Variants in MIDEAS observed in about 807,000 individuals in gnomAD.
MIDEAS encodes the protein mitotic deacetylase associated SANT domain protein.
In MIDEAS, 26 loss-of-function variants were observed where a neutral mutation model predicts 102.7. That is an observed-to-expected ratio of 0.25 (90% CI 0.19 to 0.35). The LOEUF is 0.35. Ranked by LOEUF, MIDEAS falls within the 10% of genes least tolerant of loss-of-function variation. The probability of loss-of-function intolerance (pLI) is 1.00; values close to 1 mark genes in which losing one functional copy is unlikely to be tolerated. For missense variants in MIDEAS, 1,231 were observed against 1,435.6 expected (o/e 0.86, Z 2.30); for synonymous variants, 585 against 591.0 (o/e 0.99, Z 0.15).
In MIDEAS at chr14:73,715,999, A is replaced by G. The variant is rs2140084940; in HGVS notation, c.*2844T>C. Reference sequence around the variant, plus strand: ...GGCACTAGGTCAGTTTCCCGCCCTTAGCTGAATGCAGATGGATGCTGGGAG... The same window carrying G: ...GGCACTAGGTCAGTTTCCCGCCCTTGGCTGAATGCAGATGGATGCTGGGAG... On this transcript the variant is annotated 3_prime_UTR_variant, in exon 13 of 13. Transcript: ENST00000423556. 6.6e-6 allele frequency: 1 copy of G among 152,540 alleles called. No homozygotes were observed. The highest frequency in any genetic ancestry group is 1.9e-4 in the East Asian group (1 of 5,184). 9.4% of individuals were successfully genotyped at this position (152,540 alleles called of 1,614,324 possible). A position where few individuals can be genotyped will look rare whatever the true frequency, so the allele number is the denominator to read the frequency against.
intron 1 of MIDEAS, among the ~76,000 whole-genome samples, chr14:73,768,571 A>C (rs1595295031): frequency 7.2e-6 from 1 of 138,788 alleles, no homozygotes; most frequent in African/African-American, 2.8e-5. Context: ...TACAACTTCC[A>C]CCTCCCAGGT....
In MIDEAS at chr14:73,755,833, T is replaced by C. The variant is rs74482618; in HGVS notation, c.-248+3930A>G. On this transcript the variant is annotated intron_variant, in intron 1 of 12. Transcript: ENST00000423556. ...ACACCCTTCATTTTCTCTTCCTTGA[T>C]AGGAGTCAAAGGCAAACACACTGGA... Among the ~76,000 whole-genome samples the C allele has an allele frequency of 6.2e-3, 939 of 152,286 alleles. 16 individuals are homozygous for C. The highest frequency in any genetic ancestry group is 0.022 in the African/African-American group (899 of 41,560).
At chr14:73,785,265 C>A (rs2140183689) in intron 1 of MIDEAS, among the ~76,000 whole-genome samples, 1 of 152,310 alleles carries the variant, frequency 6.6e-6, no homozygotes, top group East Asian at 1.9e-4. Context: ...ACAATTATAC[C>A]CCTGTAAGGC....
In MIDEAS at chr14:73,753,868, C is replaced by G. The variant is rs115979018; in HGVS notation, c.-248+5895G>C. 7.3e-3 allele frequency among the ~76,000 whole-genome samples: 932 copies of G among 127,178 alleles called. 15 individuals carry two copies. Among genetic ancestry groups the G allele is most frequent in the African/African-American group, 0.023 (895 of 38,114 alleles). 83.4% of individuals were successfully genotyped at this position (127,178 alleles called of 152,430 possible). A position where few individuals can be genotyped will look rare whatever the true frequency, so the allele number is the denominator to read the frequency against. On this transcript the variant is annotated intron_variant, in intron 1 of 12. Transcript: ENST00000423556. ...CCAGCAGGGCCTGCCTACAGGGATA[C>G]AGGGGGATGAGGGTATTTCCCAGAT... is the stretch of plus-strand genomic sequence containing the variant.
In MIDEAS at chr14:73,759,265, C is replaced by A. The variant is rs930594396; in HGVS notation, c.-248+498G>T. Among the ~76,000 whole-genome samples the A allele has an allele frequency of 1.3e-5, 2 of 152,178 alleles. No homozygotes were observed. Among genetic ancestry groups the A allele is most frequent in the Non-Finnish European group, 2.9e-5 (2 of 68,016 alleles). On this transcript the variant is annotated intron_variant, in intron 1 of 12. Coordinates refer to ENST00000423556, the MANE Select transcript of MIDEAS (RefSeq NM_001367710.1). This position sits in a 1 kb window ranked among gnomAD's most constrained non-coding sequence, Gnocchi z 6.7. The stretch of plus-strand genomic sequence containing the variant: ...ACGCTGGCAGGGGAAGGGGCTCCCG[C>A]GCCAAGTTCCCTCAGCTGGCTAGCC...
chr14:73,719,222 T>TCCCCCGGC, intron 12 of MIDEAS, 83 bp downstream of exon 12: 8 of 1,497,070 alleles, frequency 5.3e-6, no homozygotes, highest in Non-Finnish European at 7.1e-6. Flanking sequence ...CTGTACCTCT[T>TCCCCCGGC]CCCCCTCCCC....
At chr14:73,719,236 A>ACCCCCCCCCCCCCCCCCCCC in intron 12 of MIDEAS, 69 bp downstream of exon 12, 5 of 420,194 alleles carry the variant, frequency 1.2e-5, no homozygotes, top group South Asian at 8.8e-5. Context: ...CCTCCCCTCC[A>ACCCCCCCCCCCCCCCCCCCC]CCCCACCCCC....
chr14:73,774,697 C>G (rs1204661945), intron 1 of MIDEAS, among the ~76,000 whole-genome samples: 1 of 151,896 alleles, frequency 6.6e-6, no homozygotes, highest in Non-Finnish European at 1.5e-5. Context: ...CCTACTCTCA[C>G]CAGGGTCTTG....
intron 1 of MIDEAS, among the ~76,000 whole-genome samples, chr14:73,778,040 C>A (rs563949690): frequency 6.6e-6 from 1 of 152,008 alleles, no homozygotes; most frequent in South Asian, 2.1e-4. Context: ...GAATGAAGAA[C>A]CTGACAGAAC....
chr14:73,779,570 A>ATTTTTTT (rs774103102), intron 1 of MIDEAS, among the ~76,000 whole-genome samples: 11 of 60,162 alleles, frequency 1.8e-4, no homozygotes, highest in African/African-American at 3.4e-4. Flanking sequence ...TATTATTATT[A>ATTTTTTT]TTATTTTTTT....
At chr14:73,754,639 A>G (rs1020077282) in intron 1 of MIDEAS, among the ~76,000 whole-genome samples, 4 of 152,178 alleles carry the variant, frequency 2.6e-5, no homozygotes, top group Non-Finnish European at 4.4e-5. Flanking sequence ...AGATGTCCCA[A>G]ATGGTTTCCC....
At chr14:73,719,261 C>A (rs1461879071) in intron 12 of MIDEAS, 44 bp downstream of exon 12, 5 of 1,588,092 alleles carry the variant, frequency 3.1e-6, no homozygotes. Context: ...CCTCCGCGCA[C>A]CAGCCCGCGG....
At chr14:73,767,188 C>A (rs1235420029) in intron 1 of MIDEAS, among the ~76,000 whole-genome samples, 1 of 152,182 alleles carries the variant, frequency 6.6e-6, no homozygotes, top group Non-Finnish European at 1.5e-5. Context: ...AACACTACAT[C>A]TTCTAATCAA....
chr14:73,731,893 TAATA>T (rs1283711505), intron 3 of MIDEAS, among the ~76,000 whole-genome samples: 4 of 152,302 alleles, frequency 2.6e-5, no homozygotes, highest in Admixed American at 6.5e-5. Flanking sequence ...GTACAAAGAA[TAATA>T]AATAATGAAT....
chr14:73,721,505 G>A lies in MIDEAS; in HGVS notation c.2729C>T (p.Ser910Phe). 6.2e-7 allele frequency: 1 copy of A among 1,613,936 alleles called. No individual in the cohort carries two copies. The highest frequency in any genetic ancestry group is 1.1e-5 in the South Asian group (1 of 91,076). ...AAGAGGCACCCTTGGGAACTTTTGGGAAGTCTATGGGGAACAAGAACAAGG... is the reference window on the plus strand; with the variant it reads ...AAGAGGCACCCTTGGGAACTTTTGGAAAGTCTATGGGGAACAAGAACAAGG... ...QEEVEVDIKT[S>F]QKFPRVPLPR... The change falls in exon 11 of 13, where the codon TCC (serine) becomes TTC (phenylalanine). Residue 910 changes from serine (S) to phenylalanine (F), a missense_variant. Ser to Phe is a radical substitution (Grantham distance 155). Transcript: ENST00000423556.
Position 73,718,890 on chromosome 14 carries a change from GGGCGGC to G in MIDEAS, c.3247_3252del (p.Ala1083_Ala1084del). ...CTCTCCTCCCGCAGGGCCTGCTGGT[GGGCGGC>G]GGCGGCGGCAGCAGCGGCCTCTTTC... On this transcript the variant is annotated inframe_deletion, in exon 13 of 13. Transcript: ENST00000423556. 1 of 1,518,478 alleles carries G rather than the reference GGGCGGC, an allele frequency of 6.6e-7. No individual in the cohort carries two copies. The highest frequency in any genetic ancestry group is 8.8e-7 in the Non-Finnish European group (1 of 1,139,566). 94.1% of individuals were successfully genotyped at this position (1,518,478 alleles called of 1,614,324 possible).
rs1458915575 is a variant in MIDEAS, at chr14:73,715,451, T to C, written c.*3392A>G. The C allele has an allele frequency of 6.6e-6, 1 of 152,636 alleles. No homozygotes were observed. Among genetic ancestry groups the C allele is most frequent in the Admixed American group, 6.5e-5 (1 of 15,284 alleles). The allele number at this position is 152,636 out of a possible 1,614,324, so 9.5% of individuals were successfully genotyped here. A position where few individuals can be genotyped will look rare whatever the true frequency, so the allele number is the denominator to read the frequency against. On this transcript the variant is annotated 3_prime_UTR_variant, in exon 13 of 13. Coordinates refer to ENST00000423556, the MANE Select transcript of MIDEAS (RefSeq NM_001367710.1). ...TACTTATTTATATGCTATTAAAATA[T>C]CTGTACAATAATTACAGACTGTCAA...
chr14:73,729,622 C>T lies in MIDEAS; in HGVS notation c.2095+18G>A, dbSNP rs370187308. The T allele has an allele frequency of 8.9e-5, 140 of 1,580,450 alleles. No homozygotes were observed. The highest frequency in any genetic ancestry group is 1.1e-4 in the Non-Finnish European group (130 of 1,158,240). ...CCCAGCCCCGCTCCTGCCAGGGTCG[C>T]GGAGGGAGGTCACTCACTAGTCCGG... On this transcript the variant is annotated intron_variant, in intron 4 of 12. Transcript: ENST00000423556.
At chr14:73,774,977 G>A (rs1024910045) in intron 1 of MIDEAS, among the ~76,000 whole-genome samples, 5 of 152,092 alleles carry the variant, frequency 3.3e-5, no homozygotes, top group African/African-American at 4.8e-5. Context: ...ATCCTGCAGG[G>A]GGGAAGTTCA....
Sources: gnomAD v4.1 joint callset for allele counts (sites outside exome capture counted in the v4.1 genomes callset) on GRCh38, gnomAD v4.1.1 for gene constraint, Gnocchi (gnomAD v3.1) non-coding constraint, MANE v1.5 for transcripts, NCBI Gene and HGNC (gene_info 2026-07-23, HGNC 2026-07-21) for gene names.